The following M1AP variants were observed in gnomAD, a reference collection of about 807,000 sequenced individuals.
M1AP encodes meiosis 1 associated protein.
Under a neutral mutation model 51.2 loss-of-function variants are expected in M1AP, and 39 were observed. The ratio of observed to expected loss-of-function variants is 0.76; its 90% CI spans 0.59 to 1.00. The LOEUF is 1.00. Among genes scored for constraint, M1AP ranks in the 50% least tolerant of loss-of-function variants. The pLI is 0.00. For synonymous variants in M1AP, 251 were observed against 249.2 expected (o/e 1.01, Z -0.07); for missense variants, 545 against 641.2 (o/e 0.85, Z 1.62).
rs1679077650 is a variant in M1AP at position 74,576,496 on chromosome 2, A to G, written c.892T>C (p.Ser298Pro). Reference sequence around the variant, plus strand: ...TTGTAATGAGAGGCCGATGACTGGGAAGCCATCTGGTAGAGTGTGATGAAG... The same window carrying G: ...TTGTAATGAGAGGCCGATGACTGGGGAGCCATCTGGTAGAGTGTGATGAAG... ...GDFITLYQMA[S>P]QSSASHYKLQ... The change falls in exon 6 of 11, where the codon TCC (serine) becomes CCC (proline). Residue 298 changes from serine to proline, a missense_variant. Ser to Pro is a moderately conservative substitution (Grantham distance 74). Transcript: ENST00000421985. The G allele has an allele frequency of 1.2e-6, 2 of 1,613,986 alleles. No homozygotes were observed. Among genetic ancestry groups the G allele is most frequent in the African/African-American group, 2.7e-5 (2 of 75,060 alleles).
chr2:74,568,350 G>A (rs1678520699), intron 7 of M1AP, among the ~76,000 whole-genome samples: 1 of 152,230 alleles, frequency 6.6e-6, no homozygotes, highest in South Asian at 2.1e-4. Context: ...ATAATTTGTT[G>A]GAAGGCAGTA....
intron 4 of M1AP, among the ~76,000 whole-genome samples, chr2:74,593,218 C>T (rs925797621): frequency 2.0e-5 from 3 of 151,804 alleles, no homozygotes; most frequent in African/African-American, 4.8e-5. Flanking sequence ...TGATGGAGAA[C>T]GTGAGCTTAT....
At chr2:74,607,627 C>A (rs1469696339) in intron 3 of M1AP, among the ~76,000 whole-genome samples, 1 of 152,160 alleles carries the variant, frequency 6.6e-6, no homozygotes, top group Non-Finnish European at 1.5e-5. Flanking sequence ...GCACGTGCCA[C>A]CACACCCGGG....
At chr2:74,573,207 C>T (rs570704888) in intron 7 of M1AP, among the ~76,000 whole-genome samples, 1 of 151,756 alleles carries the variant, frequency 6.6e-6, no homozygotes, top group African/African-American at 2.4e-5. Flanking sequence ...CCACCACGCC[C>T]AGCTAATTTT....
intron 7 of M1AP, among the ~76,000 whole-genome samples, chr2:74,565,304 AC>A (rs1383762169): frequency 5.3e-5 from 8 of 152,216 alleles, no homozygotes; most frequent in Non-Finnish European, 1.2e-4. Context: ...CAGAACAATG[AC>A]ATCATGAGAA....
At chr2:74,588,764 A>C (rs1393669888) in intron 4 of M1AP, among the ~76,000 whole-genome samples, 2 of 152,240 alleles carry the variant, frequency 1.3e-5, no homozygotes, top group Admixed American at 1.3e-4. Flanking sequence ...GAGGGTCAAA[A>C]CATCACCATA....
At chr2:74,559,357 G>T (rs867149765) in intron 10 of M1AP, among the ~76,000 whole-genome samples, 1 of 152,014 alleles carries the variant, frequency 6.6e-6, no homozygotes, top group South Asian at 2.1e-4. Context: ...ACGAGGTTTT[G>T]CCATGTTGCC....
At chr2:74,639,735 A>G (rs1236962734) in intron 2 of M1AP, among the ~76,000 whole-genome samples, 2 of 152,230 alleles carry the variant, frequency 1.3e-5, no homozygotes, top group African/African-American at 4.8e-5. Flanking sequence ...AGGGCATAAA[A>G]GGAGTCAGTT....
chr2:74,623,701 T>G (rs902835002), intron 2 of M1AP, among the ~76,000 whole-genome samples: 1 of 152,184 alleles, frequency 6.6e-6, no homozygotes, highest in African/African-American at 2.4e-5. Context: ...AGACAGGGTC[T>G]CGCTCTGTCA....
At chr2:74,606,585 AGAGT>A (rs994648499) in intron 4 of M1AP, among the ~76,000 whole-genome samples, 5 of 152,104 alleles carry the variant, frequency 3.3e-5, no homozygotes, top group Admixed American at 2.6e-4. Flanking sequence ...AAATATTAAG[AGAGT>A]GTGTGTGTGT....
chr2:74,574,770 C>T (rs1678953628), intron 7 of M1AP, among the ~76,000 whole-genome samples: 1 of 152,136 alleles, frequency 6.6e-6, no homozygotes. Context: ...AATGGCTTTT[C>T]TGTTCTTGAT....
chr2:74,574,413 A>G (rs1678932063), intron 7 of M1AP, among the ~76,000 whole-genome samples: 1 of 152,198 alleles, frequency 6.6e-6, no homozygotes, highest in Non-Finnish European at 1.5e-5. Context: ...ACACTTGGTC[A>G]TAGCTAAAAG....
intron 2 of M1AP, chr2:74,618,899 G>T: frequency 1.9e-6 from 1 of 526,790 alleles, no homozygotes; most frequent in South Asian, 1.4e-5. Context: ...GCTCTTGACT[G>T]AGTAGATTTT....
At chr2:74,604,823 A>C (rs1428099067) in intron 4 of M1AP, among the ~76,000 whole-genome samples, 3 of 152,238 alleles carry the variant, frequency 2.0e-5, no homozygotes. Context: ...GGAAAATGTC[A>C]TTAAGGTACA....
intron 4 of M1AP, among the ~76,000 whole-genome samples, chr2:74,604,781 A>C (rs1375827505): frequency 6.6e-6 from 1 of 152,204 alleles, no homozygotes; most frequent in Non-Finnish European, 1.5e-5. Context: ...GTTTGTAATA[A>C]ACATGAATAT....
intron 7 of M1AP, among the ~76,000 whole-genome samples, chr2:74,570,232 G>A (rs1170935349): frequency 1.3e-5 from 2 of 152,064 alleles, no homozygotes; most frequent in African/African-American, 4.8e-5. Context: ...AAAAGCGTCA[G>A]GAACCTAAGG....
At chr2:74,625,495 T>C (rs573572753) in intron 2 of M1AP, among the ~76,000 whole-genome samples, 18 of 152,330 alleles carry the variant, frequency 1.2e-4, no homozygotes, top group Non-Finnish European at 8.8e-5. Context: ...TTTCTCCCCA[T>C]GGTCTGTGTA....
chr2:74,617,421 A>T (rs1437419697), intron 2 of M1AP, among the ~76,000 whole-genome samples: 1 of 152,270 alleles, frequency 6.6e-6, no homozygotes, highest in Non-Finnish European at 1.5e-5. Flanking sequence ...AAGCTAACGC[A>T]GGAACAGAAA....
intron 7 of M1AP, among the ~76,000 whole-genome samples, chr2:74,573,248 G>T (rs1195870087): frequency 1.3e-5 from 2 of 152,054 alleles, no homozygotes; most frequent in Admixed American, 6.6e-5. Context: ...TAGAGACAGG[G>T]CTTCATCATG....
Sources: allele counts gnomAD v4.1 joint callset (sites outside exome capture counted in the v4.1 genomes callset), GRCh38; gene constraint gnomAD v4.1.1; transcripts MANE v1.5; gene names NCBI Gene and HGNC (gene_info 2026-07-23, HGNC 2026-07-21).